Variants in LUZP2 observed in about 807,000 individuals in gnomAD.
The protein encoded by LUZP2 is leucine zipper protein 2.
LUZP2 carries 52 observed loss-of-function variants against 51.6 expected under a neutral mutation model. The observed-to-expected ratio is 1.01, with a 90% CI of 0.81 to 1.27. LUZP2 has a LOEUF of 1.27. Ranked by LOEUF, LUZP2 falls within the 50% of genes most tolerant of loss-of-function variation. LUZP2 has a pLI of 0.00. For synonymous variants in LUZP2, 154 were observed against 137.3 expected (o/e 1.12, Z -0.85); for missense variants, 436 against 395.4 (o/e 1.10, Z -0.87).
At chr11:24,603,401 A>C (rs921799186) in intron 1 of LUZP2, among the ~76,000 whole-genome samples, 2 of 151,860 alleles carry the variant, frequency 1.3e-5, no homozygotes, top group Non-Finnish European at 2.9e-5. Flanking sequence ...ATCTTTATGT[A>C]AGCCTTCCAG....
intron 1 of LUZP2, among the ~76,000 whole-genome samples, chr11:24,576,295 C>A (rs1442641108): frequency 6.6e-6 from 1 of 151,326 alleles, no homozygotes; most frequent in Non-Finnish European, 1.5e-5. Flanking sequence ...TGCCTGTAAC[C>A]CCAGCTATTC....
chr11:24,636,767 C>T (rs1487665339), intron 1 of LUZP2, among the ~76,000 whole-genome samples: 1 of 152,030 alleles, frequency 6.6e-6, no homozygotes, highest in Non-Finnish European at 1.5e-5. Flanking sequence ...CGTCAGAGCT[C>T]AGCTCACACA....
chr11:24,965,574 G>A (rs534555745), intron 7 of LUZP2, among the ~76,000 whole-genome samples: 1 of 151,824 alleles, frequency 6.6e-6, no homozygotes, highest in African/African-American at 2.4e-5. Context: ...AAGCAATTTT[G>A]AGGAAAAGTT....
At chr11:24,969,621 C>T (rs934161101) in intron 7 of LUZP2, among the ~76,000 whole-genome samples, 20 of 152,050 alleles carry the variant, frequency 1.3e-4, no homozygotes, top group Admixed American at 3.3e-4. Context: ...AGCTTTTATT[C>T]CAGAAAACAT....
chr11:24,814,774 C>T (rs960739815), intron 5 of LUZP2, among the ~76,000 whole-genome samples: 1 of 152,062 alleles, frequency 6.6e-6, no homozygotes, highest in Non-Finnish European at 1.5e-5. Flanking sequence ...GGGTGGATCA[C>T]GAGATCAGGA....
At chr11:24,985,056 T>C (rs1590804074) in intron 9 of LUZP2, among the ~76,000 whole-genome samples, 1 of 151,798 alleles carries the variant, frequency 6.6e-6, no homozygotes, top group Admixed American at 6.6e-5. Context: ...TTATAAATTT[T>C]CGTATAAATT....
intron 5 of LUZP2, chr11:24,786,386 T>C (rs1849246194): frequency 1.0e-6 from 1 of 982,068 alleles, no homozygotes; most frequent in African/African-American, 1.8e-5. Flanking sequence ...ATATAAATAA[T>C]ATGGGATGTT....
chr11:24,512,356 GC>G (rs1252363207), intron 1 of LUZP2, among the ~76,000 whole-genome samples: 1 of 152,010 alleles, frequency 6.6e-6, no homozygotes, highest in African/African-American at 2.4e-5. Context: ...ATAAATTGAG[GC>G]TCATAGATGC....
chr11:24,601,554 C>G (rs140516978), intron 1 of LUZP2, among the ~76,000 whole-genome samples: 220 of 151,880 alleles, frequency 1.4e-3, no homozygotes, highest in African/African-American at 5.2e-3. Flanking sequence ...AAATACATTT[C>G]TAATGAAGTT....
rs547459865 is a variant in LUZP2 at position 24,959,943 on chromosome 11, G to A, written c.523-16648G>A. 1.8e-4 allele frequency among the ~76,000 whole-genome samples: 28 copies of A among 152,256 alleles called. No homozygotes were observed. In the South Asian group the frequency reaches 3.7e-3, roughly 20 times the overall value. ...ACGTCCCATCAATACCTAATTTATT[G>A]AGAGTTTTTAGCATGAAGGTTGTTG... On this transcript the variant is annotated intron_variant, in intron 7 of 11. Coordinates refer to ENST00000336930, the MANE Select transcript of LUZP2 (RefSeq NM_001009909.4).
At chr11:24,617,862 A>T (rs35883285) in intron 1 of LUZP2, among the ~76,000 whole-genome samples, 50,694 of 151,524 alleles carry the variant, frequency 0.33, 8,479 homozygotes, top group Middle Eastern at 0.41. Flanking sequence ...ATAAATAAAT[A>T]AATAAATTAA....
At chr11:24,634,632 CAAAA>C (rs5790423) in intron 1 of LUZP2, among the ~76,000 whole-genome samples, 1 of 141,002 alleles carries the variant, frequency 7.1e-6, no homozygotes, top group African/African-American at 2.6e-5. Context: ...TTTATAACTT[CAAAA>C]AAAAAAAAAA....
chr11:24,566,229 TAAAGA>T lies in LUZP2; in HGVS notation c.62+68926_62+68930del, dbSNP rs562792596. Among the ~76,000 whole-genome samples, 889 of 151,544 alleles carry T rather than the reference TAAAGA, an allele frequency of 5.9e-3. 4 individuals carry two copies. The highest frequency in any genetic ancestry group is 0.01 in the Non-Finnish European group (704 of 67,844). ...ACCAAAAGTAACTGTATTAAAAAAT[TAAAGA>T]ATAGTATGATGACCATAATTCATTA... On this transcript the variant is annotated intron_variant, in intron 1 of 11. Coordinates refer to ENST00000336930, the MANE Select transcript of LUZP2 (RefSeq NM_001009909.4).
intron 11 of LUZP2, among the ~76,000 whole-genome samples, chr11:25,077,718 G>C (rs574037389): frequency 1.3e-5 from 2 of 151,692 alleles, no homozygotes; most frequent in African/African-American, 2.4e-5. Context: ...GGATGGTCTC[G>C]ATTTCCTGAC....
rs373808703 is a variant in LUZP2 at position 24,882,875 on chromosome 11, TAAAG to T, written c.397-23112_397-23109del. On this transcript the variant is annotated intron_variant, in intron 5 of 11. Transcript: ENST00000336930. ...ACAAAGATAAAAGGAAGAAAGAAAATAAAGAAAAAGAAGGAAAGAAAAAGAAAGA... is the reference window on the plus strand; with the variant it reads ...ACAAAGATAAAAGGAAGAAAGAAAATAAAAAGAAGGAAAGAAAAAGAAAGA... Among the ~76,000 whole-genome samples, 379 of 62,130 alleles carry T rather than the reference TAAAG, an allele frequency of 6.1e-3. 1 individual carries two copies. Among genetic ancestry groups the T allele is most frequent in the African/African-American group, 0.027 (358 of 13,154 alleles). The allele number at this position is 62,130 out of a possible 152,430, so 40.8% of individuals were successfully genotyped here. A position where few individuals can be genotyped will look rare whatever the true frequency, so the allele number is the denominator to read the frequency against.
chr11:25,072,044 T>G (rs1435855024), intron 10 of LUZP2, among the ~76,000 whole-genome samples: 1 of 152,078 alleles, frequency 6.6e-6, no homozygotes, highest in East Asian at 1.9e-4. Context: ...GTGATGGATA[T>G]TAATATCCTT....
At chr11:24,739,400 GGTT>G (rs1688383006) in intron 4 of LUZP2, among the ~76,000 whole-genome samples, 1 of 152,008 alleles carries the variant, frequency 6.6e-6, no homozygotes, top group African/African-American at 2.4e-5. Flanking sequence ...TTTTTCGATT[GGTT>G]GTTTGTATTT....
intron 9 of LUZP2, among the ~76,000 whole-genome samples, chr11:25,022,036 C>T (rs1042626237): frequency 2.6e-5 from 4 of 152,010 alleles, no homozygotes; most frequent in Non-Finnish European, 4.4e-5. Context: ...GTTTTTCCCT[C>T]CTCAGTCCAG....
In LUZP2 at chr11:25,082,058, T is replaced by G. The variant is rs1267432800; in HGVS notation, c.*3400T>G. The G allele has an allele frequency of 2.6e-5, 4 of 152,508 alleles. No individual in the cohort carries two copies. The highest frequency in any genetic ancestry group is 9.6e-5 in the African/African-American group (4 of 41,452). The allele number at this position is 152,508 out of a possible 1,614,324, so 9.4% of individuals were successfully genotyped here. On this transcript the variant is annotated 3_prime_UTR_variant, in exon 12 of 12. Transcript: ENST00000336930. ...ATGCATTAAACTTGAATGCTGTGTCTATCCAATGCCAAAATGCTCAGAAGA... is the reference window on the plus strand; with the variant it reads ...ATGCATTAAACTTGAATGCTGTGTCGATCCAATGCCAAAATGCTCAGAAGA...
Sources: allele counts gnomAD v4.1 joint callset (sites outside exome capture counted in the v4.1 genomes callset), GRCh38; gene constraint gnomAD v4.1.1; transcripts MANE v1.5; gene names NCBI Gene and HGNC (gene_info 2026-07-23, HGNC 2026-07-21).